The following PTPRS variants were observed in gnomAD, a reference collection of about 807,000 sequenced individuals.
PTPRS encodes receptor-type tyrosine-protein phosphatase S.
In PTPRS, 63 loss-of-function variants were observed where a neutral mutation model predicts 215.3. The ratio of observed to expected loss-of-function variants is 0.29; its 90% CI spans 0.24 to 0.36. The LOEUF (loss-of-function observed/expected upper bound fraction) is 0.36. PTPRS is among the 10% of genes least tolerant of loss of function. PTPRS has a pLI of 1.00. For synonymous variants in PTPRS, 1,404 were observed against 1,191.4 expected, an observed-to-expected ratio of 1.18 and a Z score of -3.68; for missense variants, 2,258 against 2,825.8, an observed-to-expected ratio of 0.80 and a Z score of 4.56.
chr19:5,219,886 C>T (rs887517292), intron 22 of PTPRS, 53 bp downstream of exon 22: 24 of 1,569,398 alleles, frequency 1.5e-5, no homozygotes, highest in Non-Finnish European at 1.9e-5. Context: ...GGAATGGGGT[C>T]TGCCTCATTC....
intron 14 of PTPRS, among the ~76,000 whole-genome samples, chr19:5,230,922 G>A (rs1321895061): frequency 6.6e-6 from 1 of 152,142 alleles, no homozygotes; most frequent in African/African-American, 2.4e-5. Context: ...CATGGAAATT[G>A]GCCAATGCTA....
chr19:5,243,773 A>G, intron 11 of PTPRS, 128 bp downstream of exon 11: 3 of 924,974 alleles, frequency 3.2e-6, no homozygotes, highest in Non-Finnish European at 1.5e-6. Flanking sequence ...CACCCGGCCT[A>G]AATGCTAGCA....
At chr19:5,219,804 C>A in intron 22 of PTPRS, 135 bp downstream of exon 22, 1 of 1,067,968 alleles carries the variant, frequency 9.4e-7, no homozygotes, top group Non-Finnish European at 1.4e-6. Flanking sequence ...CCTCCGCTCC[C>A]AAGTCTTCCC....
chr19:5,249,014 A>G (rs1292589485), intron 9 of PTPRS, among the ~76,000 whole-genome samples: 5 of 152,216 alleles, frequency 3.3e-5, no homozygotes, highest in African/African-American at 4.8e-5. Context: ...GGGATGAATT[A>G]TAAAAAGGAA....
At chr19:5,233,547 G>C (rs2043186485) in intron 13 of PTPRS, among the ~76,000 whole-genome samples, 1 of 150,872 alleles carries the variant, frequency 6.6e-6, no homozygotes, top group Non-Finnish European at 1.5e-5. Flanking sequence ...TGAATATCTA[G>C]TATGTGCCAC....
chr19:5,215,635 G>T (rs992602575), intron 26 of PTPRS, 40 bp from the exon 27 acceptor site: 15 of 1,493,146 alleles, frequency 1.0e-5, no homozygotes, highest in Non-Finnish European at 1.4e-5. Context: ...TGGTCACTTG[G>T]GGGGCCAGCC....
At chr19:5,250,787 CAAAAACCA>C (rs150323435) in intron 9 of PTPRS, among the ~76,000 whole-genome samples, 1 of 150,030 alleles carries the variant, frequency 6.7e-6, no homozygotes. Flanking sequence ...GGCAGAAACA[CAAAAACCA>C]AAAAAGGGGG....
intron 1 of PTPRS, among the ~76,000 whole-genome samples, chr19:5,324,358 T>C (rs928000778): frequency 2.0e-5 from 3 of 152,082 alleles, no homozygotes; most frequent in African/African-American, 4.8e-5. Flanking sequence ...TTTAGGGTCT[T>C]AGGCTCTGTA....
intron 9 of PTPRS, among the ~76,000 whole-genome samples, chr19:5,248,137 G>C (rs568578408): frequency 2.6e-5 from 4 of 151,864 alleles, no homozygotes; most frequent in Non-Finnish European, 5.9e-5. Flanking sequence ...GCCAGCCGCC[G>C]GCACCCACAG....
intron 19 of PTPRS, 149 bp from the exon 20 acceptor site, chr19:5,221,402 C>G (rs569344178): frequency 3.1e-5 from 18 of 572,834 alleles, no homozygotes; most frequent in African/African-American, 2.7e-4. Context: ...GATCCCTGAT[C>G]CCAGGCTGAG....
rs1412992964 is a variant in PTPRS, at chr19:5,252,620, C to T, written c.718+3488G>A. On this transcript the variant is annotated intron_variant, in intron 9 of 37. Transcript: ENST00000262963. ...AAAGGCCGAGTGTGGTGGCTCACAC[C>T]TGTAATCCCAGCACTTTTGGAGGCC... is the stretch of plus-strand genomic sequence containing the variant. Among the ~76,000 whole-genome samples the T allele has an allele frequency of 3.4e-5, 5 of 147,344 alleles. No homozygotes were observed. In the East Asian group the frequency reaches 9.9e-4, roughly 29 times the overall value.
intron 1 of PTPRS, among the ~76,000 whole-genome samples, chr19:5,335,622 C>A (rs1421788115): frequency 6.6e-6 from 1 of 152,078 alleles, no homozygotes; most frequent in Non-Finnish European, 1.5e-5. Context: ...TGGCAAAGAT[C>A]AAAAACAACT....
At chr19:5,275,270 C>T (rs922877637) in intron 2 of PTPRS, among the ~76,000 whole-genome samples, 4 of 151,824 alleles carry the variant, frequency 2.6e-5, no homozygotes, top group African/African-American at 9.7e-5. Flanking sequence ...TGGGGCTTTA[C>T]CATGTTAACC....
At chr19:5,254,210 C>G (rs967318227) in intron 9 of PTPRS, among the ~76,000 whole-genome samples, 2 of 152,164 alleles carry the variant, frequency 1.3e-5, no homozygotes, top group Non-Finnish European at 2.9e-5. Context: ...CCTGGCAGCT[C>G]GCATGCTGGG....
intron 4 of PTPRS, among the ~76,000 whole-genome samples, chr19:5,271,770 G>A (rs1254477331): frequency 6.7e-6 from 1 of 150,162 alleles, no homozygotes. Flanking sequence ...TGTCGCCCAG[G>A]CTGGAGTGCA....
At chr19:5,307,363 A>C (rs1187801488) in intron 1 of PTPRS, among the ~76,000 whole-genome samples, 3 of 152,090 alleles carry the variant, frequency 2.0e-5, no homozygotes, top group Admixed American at 6.6e-5. Flanking sequence ...ATAACAGTAC[A>C]AGAGGTCAAA....
chr19:5,216,393 C>T lies in PTPRS; in HGVS notation c.4096+327G>A, dbSNP rs1350690588. On this transcript the variant is annotated intron_variant, in intron 26 of 37. Transcript: ENST00000262963. ...GTAACATTTAATGTTCTGAGACTTC[C>T]ATGTGTCCCTAGCTGTCCTGGGTGC... Among the ~76,000 whole-genome samples, 4 of 152,116 alleles carry T rather than the reference C, an allele frequency of 2.6e-5. No homozygotes were observed. In the East Asian group the frequency reaches 5.8e-4, roughly 22 times the overall value.
chr19:5,275,400 C>T (rs1414496125), intron 2 of PTPRS, among the ~76,000 whole-genome samples: 5 of 148,782 alleles, frequency 3.4e-5, no homozygotes. Flanking sequence ...TTTTTTTTTT[C>T]CTGAGAGATA....
chr19:5,229,392 G>A lies in PTPRS; in HGVS notation c.2350-50C>T, dbSNP rs549188428. 1.2e-5 allele frequency: 16 copies of A among 1,360,464 alleles called. No homozygotes were observed. The South Asian group carries it at 2.3e-4, about 19-fold the overall frequency. The allele number at this position is 1,360,464 out of a possible 1,614,324, so 84.3% of individuals were successfully genotyped here. On this transcript the variant is annotated intron_variant, in intron 15 of 37. Coordinates refer to ENST00000262963, the MANE Select transcript of PTPRS (RefSeq NM_002850.4). ...GGAGAGAGGAGGAAGGTGAGCGGGGGAGGCCAGAGATGGAGAAAGAGAAGC... is the reference window on the plus strand; with the variant it reads ...GGAGAGAGGAGGAAGGTGAGCGGGGAAGGCCAGAGATGGAGAAAGAGAAGC...
Sources: gnomAD v4.1 joint callset for allele counts (sites outside exome capture counted in the v4.1 genomes callset) on GRCh38, gnomAD v4.1.1 for gene constraint, MANE v1.5 for transcripts, NCBI Gene and HGNC (gene_info 2026-07-23, HGNC 2026-07-21) for gene names.